The following WLS variants were observed in gnomAD, a reference collection of about 807,000 sequenced individuals.
WLS encodes the protein protein wntless homolog.
Under a neutral mutation model 62.8 loss-of-function variants are expected in WLS, and 23 were observed. The observed-to-expected ratio is 0.37, with a 90% CI of 0.26 to 0.52. WLS has a LOEUF of 0.52. Ranked by LOEUF, WLS falls within the 20% of genes least tolerant of loss-of-function variation. The pLI, the probability that WLS is intolerant of heterozygous loss-of-function variation, is 0.92. For synonymous variants in WLS, 246 were observed against 244.1 expected, an observed-to-expected ratio of 1.01 and a Z score of -0.07; for missense variants, 615 against 697.3, an observed-to-expected ratio of 0.88 and a Z score of 1.33.
intron 11 of WLS, among the ~76,000 whole-genome samples, chr1:68,115,261 A>G (rs189153758): frequency 2.2e-4 from 34 of 152,278 alleles, no homozygotes; most frequent in African/African-American, 5.5e-4. Context: ...CACGAAGAAG[A>G]TCTGTTGCTT....
intron 11 of WLS, among the ~76,000 whole-genome samples, chr1:68,133,703 C>A (rs1175846387): frequency 2.0e-5 from 3 of 152,254 alleles, no homozygotes; most frequent in Non-Finnish European, 4.4e-5. Flanking sequence ...TTGTTCTTCT[C>A]TGTCCATTCT....
chr1:68,188,846 C>G (rs1324238952), intron 2 of WLS, among the ~76,000 whole-genome samples: 3 of 152,158 alleles, frequency 2.0e-5, no homozygotes, highest in Non-Finnish European at 4.4e-5. Context: ...TAGAAAGAAG[C>G]CTTGAGCCAG....
At position 68,158,474 on chromosome 1, in the gene WLS, C is replaced by A. The variant is rs112030899; in HGVS notation, c.504+649G>T. On this transcript the variant is annotated intron_variant, in intron 3 of 11. Transcript: ENST00000262348. ...TTAAATTAGAAGGTCATCCTGCCTA[C>A]GTCATTGTATCATCTAGTCCAGGGG... Among the ~76,000 whole-genome samples, 3 of 152,028 alleles carry A rather than the reference C, an allele frequency of 2.0e-5. No homozygotes were observed. In the South Asian group the frequency reaches 6.2e-4, roughly 32 times the overall value.
chr1:68,110,684 T>TCTCTCTCTCTCTCC (rs1646215754), intron 11 of WLS, among the ~76,000 whole-genome samples: 1 of 131,652 alleles, frequency 7.6e-6, no homozygotes, highest in African/African-American at 2.7e-5. Flanking sequence ...TCTCTCTCTC[T>TCTCTCTCTCTCTCC]CTCTCTCCAT....
chr1:68,101,773 G>A lies in WLS; in HGVS notation c.1511-3020C>T, dbSNP rs557967998. ...GAAAGTTCAGGAAGACTGGCTGCAA[G>A]GGGCTTTGCAAAATACACGCTTATA... is the stretch of plus-strand genomic sequence containing the variant. On this transcript the variant is annotated intron_variant, in intron 11 of 11. Coordinates refer to the WLS transcript ENST00000354777. Among the ~76,000 whole-genome samples, 10 of 152,324 alleles carry A rather than the reference G, an allele frequency of 6.6e-5. No homozygotes were observed. The East Asian group carries it at 1.7e-3, about 26-fold the overall frequency.
chr1:68,131,442 C>G (rs1368198050), intron 11 of WLS, among the ~76,000 whole-genome samples: 1 of 151,708 alleles, frequency 6.6e-6, no homozygotes, highest in Non-Finnish European at 1.5e-5. Flanking sequence ...TTTGAGGATC[C>G]CTTCTGGGAG....
chr1:68,134,711 C>T (rs1646580212), intron 11 of WLS, among the ~76,000 whole-genome samples: 1 of 152,210 alleles, frequency 6.6e-6, no homozygotes, highest in Admixed American at 6.5e-5. Flanking sequence ...GCAGAGGATT[C>T]AGGGGATATG....
chr1:68,119,401 A>G (rs1404365860), intron 11 of WLS, among the ~76,000 whole-genome samples: 1 of 152,210 alleles, frequency 6.6e-6, no homozygotes, highest in Non-Finnish European at 1.5e-5. Flanking sequence ...AGTTTCTGTG[A>G]TAGGACCATT....
chr1:68,178,001 A>T (rs1477204662), intron 2 of WLS, among the ~76,000 whole-genome samples: 5 of 152,204 alleles, frequency 3.3e-5, no homozygotes. Flanking sequence ...CAGGCCAAAC[A>T]TTCATAATTT....
At position 68,164,221 on chromosome 1, in the gene WLS, G is replaced by GA. The variant is rs558595413; in HGVS notation, c.380-4975dup. On this transcript the variant is annotated intron_variant, in intron 2 of 11. Transcript: ENST00000262348. The stretch of plus-strand genomic sequence containing the variant: ...AGCAAAAGATATTAAATCACAAGGG[G>GA]AAAAAACTAACTGTAGACACATGAG... Among the ~76,000 whole-genome samples, 249 of 151,444 alleles carry GA rather than the reference G, an allele frequency of 1.6e-3. 1 individual carries two copies. The highest frequency in any genetic ancestry group is 5.8e-3 in the African/African-American group (239 of 41,346).
intron 2 of WLS, among the ~76,000 whole-genome samples, chr1:68,159,823 C>T (rs569926241): frequency 5.2e-4 from 79 of 152,262 alleles, no homozygotes; most frequent in African/African-American, 1.9e-3. Context: ...GTCAAAATCC[C>T]TTCATATTGT....
chr1:68,176,123 T>C (rs924537419), intron 2 of WLS, among the ~76,000 whole-genome samples: 2 of 152,228 alleles, frequency 1.3e-5, no homozygotes, highest in Non-Finnish European at 2.9e-5. Flanking sequence ...TCCTGACCTC[T>C]TGGATTCCTG....
chr1:68,172,167 G>T (rs1647163703), intron 2 of WLS, among the ~76,000 whole-genome samples: 1 of 151,928 alleles, frequency 6.6e-6, no homozygotes. Flanking sequence ...GTTGAGGGGT[G>T]GGGGGATGGG....
chr1:68,131,062 T>TGTGTGTGTG (rs1646512932), intron 11 of WLS, among the ~76,000 whole-genome samples: 1 of 146,068 alleles, frequency 6.8e-6, no homozygotes, highest in African/African-American at 2.5e-5. Context: ...CCAGCTAATT[T>TGTGTGTGTG]TGTGTGTGTG....
chr1:68,107,611 C>T (rs922769402), intron 11 of WLS, among the ~76,000 whole-genome samples: 1 of 152,194 alleles, frequency 6.6e-6, no homozygotes, highest in Non-Finnish European at 1.5e-5. Flanking sequence ...TTCAACTGTA[C>T]CTCACTCTGA....
intron 11 of WLS, chr1:68,102,709 C>T (rs954005497): frequency 1.3e-5 from 2 of 152,206 alleles, no homozygotes; most frequent in African/African-American, 4.8e-5. Flanking sequence ...AAATGTAACC[C>T]AAGCATCTTA....
At chr1:68,202,268 C>T (rs1294844766) in intron 1 of WLS, 1 of 152,126 alleles carries the variant, frequency 6.6e-6, no homozygotes, top group African/African-American at 2.4e-5. Context: ...TTTTTACCCT[C>T]TTTTTGAAAA....
At position 68,137,987 on chromosome 1, in the gene WLS, CAT is replaced by C. The variant is rs1334105619; in HGVS notation, c.1363-56_1363-55del. On this transcript the variant is annotated intron_variant, in intron 10 of 11. Transcript: ENST00000262348. ...TGAAACAGAGAAGAAACAGAAGAAA[CAT>C]AACACCAATAAAGGAACCAACCAAC... The C allele has an allele frequency of 3.7e-6, 6 of 1,602,698 alleles. No individual in the cohort carries two copies. The East Asian group carries it at 1.3e-4, about 36-fold the overall frequency.
chr1:68,204,380 C>T (rs905758320), intron 1 of WLS, among the ~76,000 whole-genome samples: 1 of 151,812 alleles, frequency 6.6e-6, no homozygotes. Flanking sequence ...AGTGCAGTGG[C>T]GCGGTCTCGG....
Sources: gnomAD v4.1 joint callset for allele counts (sites outside exome capture counted in the v4.1 genomes callset) on GRCh38, gnomAD v4.1.1 for gene constraint, MANE v1.5 for transcripts, NCBI Gene and HGNC (gene_info 2026-07-23, HGNC 2026-07-21) for gene names.